The following NBEA variants were observed in gnomAD, a reference collection of about 807,000 sequenced individuals.
NBEA encodes lysosomal-trafficking regulator 2.
NBEA carries 44 observed loss-of-function variants against 343.4 expected under a neutral mutation model. The observed-to-expected ratio is 0.13, with a 90% confidence interval of 0.10 to 0.16. NBEA has a LOEUF of 0.16. Ranked by LOEUF, NBEA falls within the 10% of genes least tolerant of loss-of-function variation. NBEA has a pLI of 1.00. For missense variants in NBEA, 2,555 were observed against 3,631.3 expected (o/e 0.70, Z 7.62); for synonymous variants, 1,175 against 1,238.7 (o/e 0.95, Z 1.08).
Position 34,989,919 on chromosome 13 carries a change from G to A in NBEA, c.294+46805G>A, listed in dbSNP as rs911335499. On this transcript the variant is annotated intron_variant, in intron 1 of 58. Coordinates refer to ENST00000379939, the MANE Select transcript of NBEA (RefSeq NM_001385012.1). ...AAGGGAGAAATCGGCCAAAACAAAGGGGTTACAGACCCCATGCAAGTCCAA... is the reference window on the plus strand; with the variant it reads ...AAGGGAGAAATCGGCCAAAACAAAGAGGTTACAGACCCCATGCAAGTCCAA... Among the ~76,000 whole-genome samples the A allele has an allele frequency of 2.0e-5, 3 of 150,928 alleles. 1 individual carries two copies. The highest frequency in any genetic ancestry group is 4.4e-5 in the Non-Finnish European group (3 of 67,434).
At chr13:35,393,360 A>G (rs941824422) in intron 38 of NBEA, among the ~76,000 whole-genome samples, 16 of 152,150 alleles carry the variant, frequency 1.1e-4, no homozygotes, top group Non-Finnish European at 2.1e-4. Flanking sequence ...AAGAAGTACA[A>G]TACTCCAAAA....
intron 39 of NBEA, among the ~76,000 whole-genome samples, chr13:35,444,556 C>A (rs770709880): frequency 9.2e-5 from 14 of 152,066 alleles, no homozygotes; most frequent in Admixed American, 3.9e-4. Flanking sequence ...AGAATTTCTT[C>A]TTTGAAAAAG....
chr13:35,336,660 C>T (rs149378440), intron 36 of NBEA, among the ~76,000 whole-genome samples: 127 of 151,950 alleles, frequency 8.4e-4, no homozygotes, highest in African/African-American at 2.9e-3. Flanking sequence ...TAAGAAAATA[C>T]GGTACATATA....
At chr13:35,459,752 G>C (rs567329437) in intron 40 of NBEA, among the ~76,000 whole-genome samples, 1 of 152,232 alleles carries the variant, frequency 6.6e-6, no homozygotes, top group East Asian at 1.9e-4. Flanking sequence ...AGAGCATGTG[G>C]GAAGACGAAA....
intron 47 of NBEA, among the ~76,000 whole-genome samples, chr13:35,598,308 C>T (rs1440560606): frequency 6.6e-6 from 1 of 152,204 alleles, no homozygotes; most frequent in Non-Finnish European, 1.5e-5. Context: ...TTGTCGATTA[C>T]CCAGACTGCA....
rs2070941413 is a variant in NBEA at position 35,176,898 on chromosome 13, G to A, written c.4555-98G>A. On this transcript the variant is annotated intron_variant, in intron 27 of 58. Coordinates refer to ENST00000379939, the MANE Select transcript of NBEA (RefSeq NM_001385012.1). ...ATAAATGTTAACTCAGAGAGGTGGA[G>A]ATACATGATGTGACCAGTTTAGCCT... The A allele has an allele frequency of 1.2e-4, 86 of 709,756 alleles. No homozygotes were observed. In the South Asian group the frequency reaches 1.5e-3, roughly 12 times the overall value. 44.0% of individuals were successfully genotyped at this position (709,756 alleles called of 1,614,324 possible). A position where few individuals can be genotyped will look rare whatever the true frequency, so the allele number is the denominator to read the frequency against.
chr13:35,268,802 A>G (rs1242742664), intron 34 of NBEA, among the ~76,000 whole-genome samples: 1 of 152,136 alleles, frequency 6.6e-6, no homozygotes, highest in Non-Finnish European at 1.5e-5. Flanking sequence ...AAAATCTGTC[A>G]GAAGAAAAAT....
intron 38 of NBEA, among the ~76,000 whole-genome samples, chr13:35,403,345 C>T (rs1365207309): frequency 2.0e-5 from 3 of 151,822 alleles, no homozygotes; most frequent in Non-Finnish European, 1.5e-5. Context: ...GTGAATATCC[C>T]GATCTCTTGT....
intron 38 of NBEA, among the ~76,000 whole-genome samples, chr13:35,416,273 C>G (rs956724054): frequency 6.6e-6 from 1 of 152,030 alleles, no homozygotes; most frequent in East Asian, 1.9e-4. Flanking sequence ...AATACTATAT[C>G]GAATAGGAAT....
chr13:35,567,025 T>G lies in NBEA; in HGVS notation c.7035+8T>G, dbSNP rs372460357. On this transcript the variant is annotated splice_region_variant and intron_variant, in intron 45 of 58. Transcript: ENST00000379939. ...TTCAGGGATCTATCAAAGGTAACTT[T>G]TAAATATATAGAAGTCAGCTTTCTT... The G allele has an allele frequency of 1.0e-5, 15 of 1,484,606 alleles. No homozygotes were observed. In the African/African-American group the frequency reaches 1.9e-4, roughly 19 times the overall value. The allele number at this position is 1,484,606 out of a possible 1,614,324, so 92.0% of individuals were successfully genotyped here.
chr13:35,030,104 G>C (rs1380951640), intron 1 of NBEA, among the ~76,000 whole-genome samples: 1 of 151,556 alleles, frequency 6.6e-6, no homozygotes, highest in Non-Finnish European at 1.5e-5. Flanking sequence ...ACATCTTTTC[G>C]AAGAACAGAT....
chr13:35,165,496 A>C (rs1307346833), intron 24 of NBEA, among the ~76,000 whole-genome samples: 3 of 152,130 alleles, frequency 2.0e-5, no homozygotes, highest in African/African-American at 7.2e-5. Context: ...AAGGAAATGG[A>C]GCTAAGAAGA....
At chr13:35,487,018 T>C (rs1027918549) in intron 41 of NBEA, among the ~76,000 whole-genome samples, 1 of 151,948 alleles carries the variant, frequency 6.6e-6, no homozygotes, top group Non-Finnish European at 1.5e-5. Context: ...TTTTCTTTTA[T>C]AAAGGTTTAT....
chr13:34,946,796 C>G (rs1489092255), intron 1 of NBEA, among the ~76,000 whole-genome samples: 1 of 144,702 alleles, frequency 6.9e-6, no homozygotes, highest in Non-Finnish European at 1.5e-5. Context: ...CCAAATTTCT[C>G]TCATCTTGGC....
chr13:35,485,889 C>T (rs1158791022), intron 41 of NBEA, among the ~76,000 whole-genome samples: 1 of 152,004 alleles, frequency 6.6e-6, no homozygotes, highest in Non-Finnish European at 1.5e-5. Context: ...GTGTTTTACC[C>T]TTGAATGCTG....
At position 35,472,444 on chromosome 13, in the gene NBEA, G is replaced by T; in HGVS notation, c.6493G>T (p.Val2165Leu). The stretch of plus-strand genomic sequence containing the variant: ...CCCTGCCCAGCTCATCGCTCCCGTG[G>T]TGGTGGCCAAGGGGACTCTCTCCAT... ...STPAQLIAPVVVAKGTLSITT... is the reference protein window; with the variant it reads ...STPAQLIAPVLVAKGTLSITT... The change falls in exon 41 of 59, where the codon GTG (valine) becomes TTG (leucine). Residue 2165 changes from valine (V) to leucine (L), a missense_variant. Coordinates refer to ENST00000379939, the MANE Select transcript of NBEA (RefSeq NM_001385012.1). 1 of 1,613,980 alleles carries T rather than the reference G, an allele frequency of 6.2e-7. No homozygotes were observed. The highest frequency in any genetic ancestry group is 8.5e-7 in the Non-Finnish European group (1 of 1,179,892).
intron 41 of NBEA, among the ~76,000 whole-genome samples, chr13:35,513,340 G>A (rs1186101500): frequency 7.4e-6 from 1 of 135,252 alleles, no homozygotes; most frequent in African/African-American, 2.7e-5. Context: ...TAGTAGAGAT[G>A]GGGTTTCACC....
At chr13:35,112,374 T>C (rs2066261140) in intron 13 of NBEA, among the ~76,000 whole-genome samples, 1 of 152,122 alleles carries the variant, frequency 6.6e-6, no homozygotes, top group African/African-American at 2.4e-5. Flanking sequence ...ATACATATAA[T>C]GTAATTATAG....
intron 10 of NBEA, among the ~76,000 whole-genome samples, chr13:35,088,433 T>A (rs2064886640): frequency 6.6e-6 from 1 of 151,920 alleles, no homozygotes; most frequent in South Asian, 2.1e-4. Context: ...CCAATTTCCA[T>A]GGTTAGCCAT....
Sources: allele counts gnomAD v4.1 joint callset (sites outside exome capture counted in the v4.1 genomes callset), GRCh38; gene constraint gnomAD v4.1.1; transcripts MANE v1.5; gene names NCBI Gene and HGNC (gene_info 2026-07-23, HGNC 2026-07-21).